The following METTL25 variants were observed in gnomAD, a reference collection of about 807,000 sequenced individuals.
METTL25 encodes the protein methyltransferase like 25.
In METTL25, 64 loss-of-function variants were observed where a neutral mutation model predicts 71.6. The observed-to-expected ratio is 0.89, with a 90% CI of 0.73 to 1.10. The LOEUF (loss-of-function observed/expected upper bound fraction) is 1.10. METTL25 is among the 50% of genes least tolerant of loss of function. The pLI is 0.00. For missense variants in METTL25, 807 were observed against 707.0 expected, an observed-to-expected ratio of 1.14 and a Z score of -1.60; for synonymous variants, 287 against 250.3, an observed-to-expected ratio of 1.15 and a Z score of -1.38.
chr12:82,422,120 G>A (rs571419125), intron 5 of METTL25, among the ~76,000 whole-genome samples: 103 of 152,164 alleles, frequency 6.8e-4, no homozygotes, highest in African/African-American at 1.9e-3. Flanking sequence ...ACCAATATCC[G>A]TGATGAACAT....
intron 1 of METTL25, among the ~76,000 whole-genome samples, chr12:82,385,657 A>ATC (rs781700126): frequency 1.6e-4 from 24 of 152,296 alleles, no homozygotes; most frequent in Non-Finnish European, 2.5e-4. Flanking sequence ...GATTGAACTA[A>ATC]TCTGTCAGTG....
At chr12:82,358,931 A>T in intron 1 of METTL25, 107 bp downstream of exon 1, 2 of 1,244,444 alleles carry the variant, frequency 1.6e-6, no homozygotes, top group Non-Finnish European at 2.2e-6. Context: ...GTGGCGGCGG[A>T]GGCGGGGCGG....
chr12:82,370,631 T>C (rs1883117607), intron 1 of METTL25, among the ~76,000 whole-genome samples: 1 of 152,198 alleles, frequency 6.6e-6, no homozygotes. Context: ...AGACCTTCAA[T>C]TATCAATTAT....
chr12:82,466,180 G>C (rs1892219347), intron 9 of METTL25, among the ~76,000 whole-genome samples: 1 of 151,250 alleles, frequency 6.6e-6, no homozygotes, highest in South Asian at 2.1e-4. Context: ...TGTATCATTA[G>C]GTTCTTTATT....
At chr12:82,424,229 C>T (rs944421644) in intron 5 of METTL25, among the ~76,000 whole-genome samples, 5 of 152,164 alleles carry the variant, frequency 3.3e-5, no homozygotes, top group African/African-American at 1.2e-4. Flanking sequence ...AGTTCATGTC[C>T]TTTGTAGGGA....
intron 5 of METTL25, among the ~76,000 whole-genome samples, chr12:82,426,681 T>TAC (rs1889047350): frequency 6.6e-5 from 10 of 152,000 alleles, no homozygotes; most frequent in African/African-American, 2.4e-4. Flanking sequence ...AAGACCATCT[T>TAC]TTATTATGCT....
At chr12:82,402,020 T>G (rs1015185329) in intron 4 of METTL25, among the ~76,000 whole-genome samples, 10 of 152,016 alleles carry the variant, frequency 6.6e-5, no homozygotes, top group African/African-American at 2.4e-4. Flanking sequence ...CAGAAGAGTA[T>G]TATTAGTAAA....
intron 1 of METTL25, among the ~76,000 whole-genome samples, chr12:82,378,037 CTTG>C (rs1884055816): frequency 6.6e-6 from 1 of 151,900 alleles, no homozygotes; most frequent in African/African-American, 2.4e-5. Context: ...CTTCTGATTT[CTTG>C]TTAAGAAATA....
chr12:82,366,089 T>A (rs6539666), intron 1 of METTL25, among the ~76,000 whole-genome samples: 140,004 of 152,108 alleles, frequency 0.92, 64,796 homozygotes, highest in East Asian at 1. Context: ...CTCAAAAAAA[T>A]TTAAAAAAAT....
intron 8 of METTL25, among the ~76,000 whole-genome samples, chr12:82,449,126 A>C (rs1890955005): frequency 6.6e-6 from 1 of 152,196 alleles, no homozygotes; most frequent in Non-Finnish European, 1.5e-5. Context: ...GATCCAGTGC[A>C]TTCACTTTTA....
intron 1 of METTL25, among the ~76,000 whole-genome samples, chr12:82,359,606 G>T (rs570670031): frequency 1.1e-4 from 17 of 152,350 alleles, no homozygotes; most frequent in African/African-American, 4.1e-4. Flanking sequence ...ACAGATGATT[G>T]TATCTTGGAC....
At chr12:82,402,333 C>T (rs564783186) in intron 4 of METTL25, among the ~76,000 whole-genome samples, 11 of 151,878 alleles carry the variant, frequency 7.2e-5, no homozygotes, top group Middle Eastern at 3.4e-3. Context: ...CAATCTGAGA[C>T]GTGAAATTAA....
At chr12:82,435,510 T>C (rs1889851234) in intron 7 of METTL25, among the ~76,000 whole-genome samples, 1 of 151,442 alleles carries the variant, frequency 6.6e-6, no homozygotes, top group South Asian at 2.1e-4. Flanking sequence ...AATCTGATTC[T>C]TTTGAAGGCA....
intron 1 of METTL25, among the ~76,000 whole-genome samples, chr12:82,370,407 G>T (rs1037826634): frequency 4.6e-5 from 7 of 151,848 alleles, no homozygotes; most frequent in Non-Finnish European, 8.8e-5. Flanking sequence ...CCAGAGGTTG[G>T]TATAAGAGTT....
At chr12:82,387,212 A>G (rs61934280) in intron 2 of METTL25, among the ~76,000 whole-genome samples, 4 of 152,066 alleles carry the variant, frequency 2.6e-5, no homozygotes, top group Non-Finnish European at 4.4e-5. Context: ...TCTACTGCAG[A>G]TAGTTCCTGC....
At chr12:82,394,440 C>T (rs1885896196) in intron 3 of METTL25, among the ~76,000 whole-genome samples, 1 of 152,054 alleles carries the variant, frequency 6.6e-6, no homozygotes, top group Admixed American at 6.6e-5. Flanking sequence ...AGCCATATTG[C>T]TCCCTACATG....
chr12:82,448,632 T>G (rs1327590129), intron 8 of METTL25, among the ~76,000 whole-genome samples: 1 of 152,094 alleles, frequency 6.6e-6, no homozygotes, highest in Non-Finnish European at 1.5e-5. Flanking sequence ...CCTAGTTTAA[T>G]TTTAATTGTG....
intron 7 of METTL25, among the ~76,000 whole-genome samples, chr12:82,437,107 C>A (rs951825954): frequency 3.3e-5 from 5 of 151,392 alleles, no homozygotes; most frequent in African/African-American, 1.2e-4. Context: ...GAAAATATAT[C>A]CAGAGATTAA....
At chr12:82,400,053 G>A (rs894690829) in intron 4 of METTL25, among the ~76,000 whole-genome samples, 2 of 151,752 alleles carry the variant, frequency 1.3e-5, no homozygotes, top group Admixed American at 1.3e-4. Context: ...GCTGAGTGCC[G>A]TGGCTCACGT....
Sources: allele counts gnomAD v4.1 joint callset (sites outside exome capture counted in the v4.1 genomes callset), GRCh38; gene constraint gnomAD v4.1.1; transcripts MANE v1.5; gene names NCBI Gene and HGNC (gene_info 2026-07-23, HGNC 2026-07-21).